MED24: variants seen among roughly 807,000 people sequenced by gnomAD.
MED24 encodes the protein mediator complex subunit 24, also known as mediator of RNA polymerase II transcription subunit 24.
Under a neutral mutation model 118.8 loss-of-function variants are expected in MED24, and 74 were observed. The observed-to-expected ratio is 0.62, with a 90% CI of 0.52 to 0.76. The LOEUF is 0.76. Ranked by LOEUF, MED24 falls within the 30% of genes least tolerant of loss-of-function variation. MED24 has a pLI of 0.00. For missense variants in MED24, 1,041 were observed against 1,278.9 expected, an observed-to-expected ratio of 0.81 and a Z score of 2.84; for synonymous variants, 521 against 523.9, an observed-to-expected ratio of 0.99 and a Z score of 0.08.
At chr17:40,034,954 C>T in intron 6 of MED24, 163 bp downstream of exon 6, 1 of 1,580,212 alleles carries the variant, frequency 6.3e-7, no homozygotes, top group Non-Finnish European at 8.6e-7. Context: ...CTGCCCAAGT[C>T]CCTGGGATGT....
intron 24 of MED24, 32 bp from the exon 25 acceptor site, chr17:40,019,965 G>C (rs996613813): frequency 1.3e-6 from 2 of 1,552,994 alleles, no homozygotes; most frequent in East Asian, 2.4e-5. Context: ...TGACAGGAGG[G>C]AGTTCCATGA....
intron 3 of MED24, among the ~76,000 whole-genome samples, chr17:40,047,520 G>A (rs552691022): frequency 6.2e-4 from 94 of 152,000 alleles, no homozygotes; most frequent in African/African-American, 2.2e-3. Flanking sequence ...AAACTGGCCA[G>A]GCGTGGTGGA....
At chr17:40,028,286 G>GT (rs1982955970) in intron 14 of MED24, among the ~76,000 whole-genome samples, 1 of 151,910 alleles carries the variant, frequency 6.6e-6, no homozygotes, top group South Asian at 2.1e-4. Flanking sequence ...CTAATTTTTT[G>GT]TATTTTTAGT....
Position 40,026,923 on chromosome 17 carries a change from G to C in MED24, c.1642C>G (p.Arg548Gly). 6.2e-7 allele frequency: 1 copy of C among 1,614,166 alleles called. No homozygotes were observed. The highest frequency in any genetic ancestry group is 8.5e-7 in the Non-Finnish European group (1 of 1,180,034). Residue 548 changes from arginine (R) to glycine (G), a missense_variant, in exon 17 of 26, where the codon CGC becomes GGC. Physicochemically the swap from Arg to Gly is moderately radical, Grantham distance 125. This residue lies in a region of MED24 where 587 missense variants were observed against 694.4 expected (regional missense o/e 0.85). Transcript: ENST00000394128. ...GACTCCACTTTGGTGGAGTCGGGGC[G>C]GAAGCAGGGGTGGTCAGGGTTCAGG... ...KILNPDHPCFRPDSTKVESLV... is the reference protein window; with the variant it reads ...KILNPDHPCFGPDSTKVESLV...
At chr17:40,041,869 G>A (rs186414076) in intron 3 of MED24, among the ~76,000 whole-genome samples, 96 of 152,232 alleles carry the variant, frequency 6.3e-4, no homozygotes, top group African/African-American at 2.2e-3. Context: ...CCTAAATCAG[G>A]GGTTGGAAAA....
In MED24 at chr17:40,019,609, G is replaced by C. The variant is rs148932974; in HGVS notation, c.2890C>G (p.Pro964Ala). The C allele has an allele frequency of 6.2e-7, 1 of 1,606,018 alleles. No individual in the cohort carries two copies. Among genetic ancestry groups the C allele is most frequent in the Non-Finnish European group, 8.5e-7 (1 of 1,175,556 alleles). ...ELVKVSAMSS[P>A]KVVLAITDLS... ...TCCGTGATGGCCAGAACCACCTTGGGGCTGGACATGGCTGACACCTTCACC... is the reference window on the plus strand; with the variant it reads ...TCCGTGATGGCCAGAACCACCTTGGCGCTGGACATGGCTGACACCTTCACC... The change falls in exon 26 of 26, where the codon CCC (proline) becomes GCC (alanine). Residue 964 changes from proline to alanine, a missense_variant. Around this residue, in one of 3 missense-constraint regions of MED24, gnomAD observed 587 missense variants for 694.4 expected, o/e 0.85. Coordinates refer to ENST00000394128, the MANE Select transcript of MED24 (RefSeq NM_014815.4).
chr17:40,033,283 T>C lies in MED24; in HGVS notation c.671+62A>G. The stretch of plus-strand genomic sequence containing the variant: ...CGGAGAGGATGGCACGGGTGCCACA[T>C]CTTCCTACCCCAGGGCGTGTCCTCC... On this transcript the variant is annotated intron_variant, in intron 7 of 25. Transcript: ENST00000394128. This position sits in a 1 kb window ranked among gnomAD's most constrained non-coding sequence, Gnocchi z 5.2. 1 of 1,610,632 alleles carries C rather than the reference T, an allele frequency of 6.2e-7. No individual in the cohort carries two copies. Among genetic ancestry groups the C allele is most frequent in the Non-Finnish European group, 8.5e-7 (1 of 1,178,232 alleles).
At chr17:40,023,009 G>C in intron 20 of MED24, 122 bp downstream of exon 20, 1 of 1,408,422 alleles carries the variant, frequency 7.1e-7, no homozygotes, top group South Asian at 1.4e-5. Flanking sequence ...TCTGAGGCGA[G>C]GCATTCCGGG....
At chr17:40,036,739 G>A (rs1983987865) in intron 3 of MED24, among the ~76,000 whole-genome samples, 1 of 151,396 alleles carries the variant, frequency 6.6e-6, no homozygotes, top group Non-Finnish European at 1.5e-5. Flanking sequence ...AATAAGCATG[G>A]GTTAACTGAC....
intron 3 of MED24, among the ~76,000 whole-genome samples, chr17:40,039,149 C>T (rs1279533464): frequency 6.6e-6 from 1 of 152,172 alleles, no homozygotes; most frequent in Non-Finnish European, 1.5e-5. Flanking sequence ...GGATGCCATT[C>T]GTCAAAATGA....
intron 23 of MED24, 162 bp from the exon 24 acceptor site, chr17:40,020,515 C>T: frequency 6.7e-7 from 1 of 1,490,888 alleles, no homozygotes; most frequent in Non-Finnish European, 9.1e-7. Context: ...AGGCCAGGTA[C>T]AGTGGCTCAC....
intron 10 of MED24, 45 bp from the exon 11 acceptor site, chr17:40,031,665 G>A (rs1338953565): frequency 1.3e-6 from 2 of 1,564,138 alleles, no homozygotes; most frequent in Non-Finnish European, 1.8e-6. Context: ...GGGCCACCAG[G>A]CCCTGATCAT....
chr17:40,027,504 CA>C (rs1982820721), intron 15 of MED24, 39 bp from the exon 16 acceptor site: 8 of 1,572,972 alleles, frequency 5.1e-6, no homozygotes, highest in Admixed American at 1.8e-5. Context: ...CAGACGAGGG[CA>C]GGGGGGAGCC....
chr17:40,033,738 G>C lies in MED24; in HGVS notation c.560-282C>G. 1.7e-6 allele frequency: 1 copy of C among 573,748 alleles called. No individual in the cohort carries two copies. The highest frequency in any genetic ancestry group is 3.3e-6 in the Non-Finnish European group (1 of 303,596). 35.5% of individuals were successfully genotyped at this position (573,748 alleles called of 1,614,324 possible). On this transcript the variant is annotated intron_variant, in intron 6 of 25. Transcript: ENST00000394128. This position sits in a 1 kb window ranked among gnomAD's most constrained non-coding sequence, Gnocchi z 5.2. ...AAGGTATGGCATCACACAGGCTCAG[G>C]AGAGAGAGGCAGAGGGAGGCCAGAA...
rs112258518 is a variant in MED24 at position 40,020,395 on chromosome 17, G to A, written c.2624-42C>T. The stretch of plus-strand genomic sequence containing the variant: ...ATGGAGCGCTGGGAAACAGCCTGCC[G>A]AGTGCAAAAGTGGTGCTCCCCGGGG... On this transcript the variant is annotated intron_variant, in intron 23 of 25. Coordinates refer to ENST00000394128, the MANE Select transcript of MED24 (RefSeq NM_014815.4). The A allele has an allele frequency of 2.2e-3, 3,513 of 1,562,784 alleles. 79 individuals carry two copies. The African/African-American group carries it at 0.041, about 18-fold the overall frequency.
chr17:40,023,615 T>C (rs2144866492), intron 19 of MED24: 2 of 514,088 alleles, frequency 3.9e-6, no homozygotes, highest in South Asian at 2.9e-5. Context: ...AGCCTATAAA[T>C]AGGGACTGGG....
At position 40,053,682 on chromosome 17, in the gene MED24, A is replaced by G. The variant is rs768858934; in HGVS notation, c.-37-47T>C. 2.2e-5 allele frequency: 36 copies of G among 1,606,480 alleles called. No homozygotes were observed. The Admixed American group carries it at 6.0e-4, about 27-fold the overall frequency. On this transcript the variant is annotated intron_variant, in intron 1 of 25. Transcript: ENST00000394128. ...GCTAAAGAAAAGGACATGAGGTTCTAAGGAGAACCGGGGAAGGCAGAATTA... is the reference window on the plus strand; with the variant it reads ...GCTAAAGAAAAGGACATGAGGTTCTGAGGAGAACCGGGGAAGGCAGAATTA...
Position 40,033,863 on chromosome 17 carries a change from C to A in MED24, c.560-407G>T. On this transcript the variant is annotated intron_variant, in intron 6 of 25. Coordinates refer to ENST00000394128, the MANE Select transcript of MED24 (RefSeq NM_014815.4). This position sits in a 1 kb window ranked among gnomAD's most constrained non-coding sequence, Gnocchi z 5.2. Reference sequence around the variant, plus strand: ...AGGCTGTCACTCTCCTCTGGGGGAACTGGGTCCCTAAATGGCTTTCTCATT... The same window carrying A: ...AGGCTGTCACTCTCCTCTGGGGGAAATGGGTCCCTAAATGGCTTTCTCATT... The A allele has an allele frequency of 4.9e-6, 2 of 408,152 alleles. No homozygotes were observed. The highest frequency in any genetic ancestry group is 3.6e-5 in the South Asian group (2 of 56,126). 25.3% of individuals were successfully genotyped at this position (408,152 alleles called of 1,614,324 possible). A position where few individuals can be genotyped will look rare whatever the true frequency, so the allele number is the denominator to read the frequency against.
At chr17:40,021,933 C>A (rs769174817) in intron 23 of MED24, 22 bp downstream of exon 23, 3 of 1,529,462 alleles carry the variant, frequency 2.0e-6, no homozygotes, top group South Asian at 2.4e-5. Flanking sequence ...AGGAGCGGCG[C>A]GCGGCCAGCC....
Sources: gnomAD v4.1 joint callset for allele counts (sites outside exome capture counted in the v4.1 genomes callset) on GRCh38, gnomAD v4.1.1 for gene constraint, gnomAD v4.1.1 regional missense constraint, Gnocchi (gnomAD v3.1) non-coding constraint, MANE v1.5 for transcripts, NCBI Gene and HGNC (gene_info 2026-07-23, HGNC 2026-07-21) for gene names.